FKBP6: variants seen among roughly 807,000 people sequenced by gnomAD.
FKBP6 encodes the protein FKBP prolyl isomerase family member 6 (inactive).
In FKBP6, 29 loss-of-function variants were observed where a neutral mutation model predicts 41.7. That is an observed-to-expected ratio of 0.70 (90% CI 0.52 to 0.95). FKBP6 has a LOEUF of 0.95. Among genes scored for constraint, FKBP6 ranks in the 40% least tolerant of loss-of-function variants. The probability of loss-of-function intolerance (pLI) is 0.00; values close to 1 mark genes in which losing one functional copy is unlikely to be tolerated. For missense variants in FKBP6, 338 were observed against 408.7 expected (o/e 0.83, Z 1.49); for synonymous variants, 130 against 165.1 (o/e 0.79, Z 1.63).
At chr7:73,357,360 G>A (rs1805663224) in intron 8 of FKBP6, among the ~76,000 whole-genome samples, 1 of 138,126 alleles carries the variant, frequency 7.2e-6, no homozygotes, top group Non-Finnish European at 1.5e-5. Flanking sequence ...CCGGGTATAA[G>A]CAATTCTCCT....
chr7:73,331,890 G>T, intron 5 of FKBP6, 114 bp downstream of exon 5: 1 of 1,113,964 alleles, frequency 9.0e-7, no homozygotes, highest in South Asian at 1.3e-5. Context: ...TGAGACAAGA[G>T]TGTCGCTCTG....
chr7:73,336,903 T>G, intron 5 of FKBP6: 1 of 437,826 alleles, frequency 2.3e-6, no homozygotes, highest in Non-Finnish European at 4.6e-6. Flanking sequence ...TTGTATATGA[T>G]GAAGTTGTAT....
intron 7 of FKBP6, 22 bp from the exon 8 acceptor site, chr7:73,342,785 A>C (rs55704260): frequency 5.2e-6 from 8 of 1,542,936 alleles, no homozygotes; most frequent in Non-Finnish European, 7.2e-6. Flanking sequence ...CTCCTCTAAC[A>C]AGTGTGTATT....
chr7:73,328,198 G>A lies in FKBP6; in HGVS notation c.-231G>A. The A allele has an allele frequency of 1.3e-6, 2 of 1,548,052 alleles. No individual in the cohort carries two copies. The highest frequency in any genetic ancestry group is 1.7e-6 in the Non-Finnish European group (2 of 1,145,888). ...GCGCTCCCATTACGGATCATACCTC[G>A]CACCTCACCGCGTGGCCTCTGTAGT... On this transcript the variant is annotated 5_prime_UTR_variant, in exon 1 of 9. Coordinates refer to ENST00000252037, the MANE Select transcript of FKBP6 (RefSeq NM_003602.5).
At chr7:73,342,236 C>A (rs1276957447) in intron 7 of FKBP6, among the ~76,000 whole-genome samples, 1 of 152,114 alleles carries the variant, frequency 6.6e-6, no homozygotes, top group Non-Finnish European at 1.5e-5. Context: ...AAATAGGAGT[C>A]CCCCATAACT....
intron 6 of FKBP6, among the ~76,000 whole-genome samples, 178 bp downstream of exon 6, chr7:73,341,010 G>A (rs1345842087): frequency 7.0e-6 from 1 of 143,224 alleles, no homozygotes; most frequent in Non-Finnish European, 1.5e-5. Context: ...TGCAACCTCC[G>A]CTTCCTGGCT....
chr7:73,354,965 C>G (rs556564471), intron 8 of FKBP6, among the ~76,000 whole-genome samples: 10 of 152,222 alleles, frequency 6.6e-5, no homozygotes, highest in Non-Finnish European at 4.4e-5. Flanking sequence ...CTCCGATTTC[C>G]GACAGAAACA....
At chr7:73,340,215 G>A (rs891812947) in intron 5 of FKBP6, among the ~76,000 whole-genome samples, 5 of 152,066 alleles carry the variant, frequency 3.3e-5, no homozygotes, top group Admixed American at 2.0e-4. Flanking sequence ...TGGGTAGTTC[G>A]TTGCTAGAGC....
At chr7:73,331,609 T>G (rs372400107) in intron 4 of FKBP6, 48 bp from the exon 5 acceptor site, 1 of 1,611,070 alleles carries the variant, frequency 6.2e-7, no homozygotes, top group Admixed American at 1.7e-5. Flanking sequence ...CATTGTGGCA[T>G]TACTGCTTTT....
At chr7:73,332,237 C>T (rs1804869108) in intron 5 of FKBP6, among the ~76,000 whole-genome samples, 1 of 151,914 alleles carries the variant, frequency 6.6e-6, no homozygotes, top group Non-Finnish European at 1.5e-5. Context: ...TAAAAAAATC[C>T]TCATGCCAGG....
At chr7:73,350,203 C>T (rs188185878) in intron 8 of FKBP6, among the ~76,000 whole-genome samples, 2 of 152,334 alleles carry the variant, frequency 1.3e-5, no homozygotes, top group African/African-American at 4.8e-5. Context: ...AGAGTCCAGT[C>T]CATCGTCATG....
chr7:73,328,953 G>A (rs576316627), intron 2 of FKBP6, among the ~76,000 whole-genome samples: 13 of 152,068 alleles, frequency 8.5e-5, no homozygotes, highest in South Asian at 8.3e-4. Flanking sequence ...TTACAGGCGC[G>A]ATCCACCATG....
intron 5 of FKBP6, among the ~76,000 whole-genome samples, chr7:73,337,490 A>C (rs1554548727): frequency 6.6e-6 from 1 of 151,210 alleles, no homozygotes; most frequent in Non-Finnish European, 1.5e-5. Context: ...CATTTTTTGT[A>C]TTTTTAGTAG....
intron 3 of FKBP6, 138 bp downstream of exon 3, chr7:73,329,587 C>T: frequency 1.4e-6 from 1 of 731,202 alleles, no homozygotes; most frequent in Non-Finnish European, 2.5e-6. Flanking sequence ...GTAACACAGC[C>T]ATGTTCTCTC....
At chr7:73,351,820 C>T (rs1490825498) in intron 8 of FKBP6, among the ~76,000 whole-genome samples, 1 of 152,160 alleles carries the variant, frequency 6.6e-6, no homozygotes, top group African/African-American at 2.4e-5. Context: ...TTTTGCTGAT[C>T]GTCCACAATC....
At chr7:73,341,454 C>A (rs149541102) in intron 7 of FKBP6, 72 bp downstream of exon 7, 15 of 962,712 alleles carry the variant, frequency 1.6e-5, no homozygotes, top group Non-Finnish European at 2.5e-5. Context: ...CCCACCCCCC[C>A]CAACAAAGGA....
chr7:73,357,186 G>A lies in FKBP6; in HGVS notation c.*3-995G>A, dbSNP rs532463684. ...TAATGGAGCTGCTGCTCGCTCCACC[G>A]TTAAACACCATGCTGACTTTGGCTG... is the stretch of plus-strand genomic sequence containing the variant. On this transcript the variant is annotated intron_variant, in intron 8 of 8. Coordinates refer to ENST00000252037, the MANE Select transcript of FKBP6 (RefSeq NM_003602.5). 5.2e-4 allele frequency among the ~76,000 whole-genome samples: 79 copies of A among 151,356 alleles called. 1 individual carries two copies. The highest frequency in any genetic ancestry group is 5.1e-3 in the Admixed American group (77 of 15,180).
intron 8 of FKBP6, among the ~76,000 whole-genome samples, chr7:73,349,546 C>CAAAAAAAAAA (rs1175280907): frequency 2.1e-5 from 1 of 48,684 alleles, no homozygotes; most frequent in Admixed American, 2.4e-4. Flanking sequence ...TACTAAAATA[C>CAAAAAAAAAA]AAAAAAAAAA....
chr7:73,342,091 G>T (rs142850135), intron 7 of FKBP6, among the ~76,000 whole-genome samples: 18 of 151,884 alleles, frequency 1.2e-4, no homozygotes, highest in African/African-American at 4.1e-4. Flanking sequence ...CAGGCGTTTC[G>T]GGTCTGACTC....
Sources: allele counts gnomAD v4.1 joint callset (sites outside exome capture counted in the v4.1 genomes callset), GRCh38; gene constraint gnomAD v4.1.1; transcripts MANE v1.5; gene names NCBI Gene and HGNC (gene_info 2026-07-23, HGNC 2026-07-21).